Variants in SLC12A6 observed in about 807,000 individuals in gnomAD.
The protein encoded by SLC12A6 is K-Cl cotransporter 3.
In SLC12A6, 66 loss-of-function variants were observed where a neutral mutation model predicts 135.3. The ratio of observed to expected loss-of-function variants is 0.49; its 90% confidence interval spans 0.40 to 0.60. SLC12A6 has a LOEUF of 0.60. Among genes scored for constraint, SLC12A6 ranks in the 20% least tolerant of loss-of-function variants. The pLI is 0.00. For missense variants in SLC12A6, 1,058 were observed against 1,452.3 expected (o/e 0.73, Z 4.41); for synonymous variants, 513 against 508.8 (o/e 1.01, Z -0.11).
At chr15:34,288,675 A>G (rs111645820) in intron 2 of SLC12A6, among the ~76,000 whole-genome samples, 20,555 of 152,172 alleles carry the variant, frequency 0.14, 1,516 homozygotes, top group East Asian at 0.32. Context: ...AGTGGTTTGT[A>G]GTTCTCCTTG....
chr15:34,240,950 G>A (rs537149312), intron 18 of SLC12A6, 121 bp from the exon 19 acceptor site: 2 of 814,054 alleles, frequency 2.5e-6, no homozygotes, highest in Admixed American at 2.0e-5. Flanking sequence ...TTGACAGAAG[G>A]AAGAGATCAC....
chr15:34,252,724 C>G (rs1892479183), intron 9 of SLC12A6, among the ~76,000 whole-genome samples: 1 of 152,162 alleles, frequency 6.6e-6, no homozygotes, highest in African/African-American at 2.4e-5. Flanking sequence ...TGAAGGAAGT[C>G]AAATTGAAGA....
intron 2 of SLC12A6, among the ~76,000 whole-genome samples, chr15:34,318,399 G>A (rs983709600): frequency 6.6e-6 from 1 of 152,204 alleles, no homozygotes; most frequent in Non-Finnish European, 1.5e-5. Context: ...AAAAGTAAGA[G>A]AAGCTATCAG....
chr15:34,305,919 G>A (rs141087449), intron 2 of SLC12A6, among the ~76,000 whole-genome samples: 160 of 152,052 alleles, frequency 1.1e-3, no homozygotes, highest in African/African-American at 3.5e-3. Context: ...CACCGCGCCC[G>A]GCTAATTTTT....
chr15:34,311,704 A>T (rs1269805121), intron 2 of SLC12A6, among the ~76,000 whole-genome samples: 1 of 152,200 alleles, frequency 6.6e-6, no homozygotes, highest in Non-Finnish European at 1.5e-5. Context: ...CACAGAGTGG[A>T]GAAAGGATGA....
rs780221317 is a variant in SLC12A6 at position 34,244,054 on chromosome 15, G to A, written c.1962C>T (p.Tyr654=). 10 of 1,597,406 alleles carry A rather than the reference G, an allele frequency of 6.3e-6. No homozygotes were observed. Among genetic ancestry groups the A allele is most frequent in the Non-Finnish European group, 8.6e-6 (10 of 1,164,688 alleles). Residue 654 remains tyrosine, a synonymous_variant, in exon 16 of 26, where the codon TAC becomes TAT. Transcript: ENST00000354181. ...PILSMFFLMC[Y]LFVNLACALQ... The stretch of plus-strand genomic sequence containing the variant: ...AGGCACATGCCAAGTTTACAAAGAG[G>A]TAACACATGAGAAAAAACCTGAAGA...
Position 34,261,030 on chromosome 15 carries a change from A to AG in SLC12A6, c.317-11_317-10insC. On this transcript the variant is annotated splice_polypyrimidine_tract_variant and intron_variant, in intron 3 of 25. Transcript: ENST00000354181. ...TTCTTATGTCCGTCGTCTGGAAAAA[A>AG]AAAAGTAGACCAAGTTAGTTTCTCA... 7.1e-7 allele frequency: 1 copy of AG among 1,411,372 alleles called. No homozygotes were observed. Among genetic ancestry groups the AG allele is most frequent in the Non-Finnish European group, 1.0e-6 (1 of 995,096 alleles). The allele number at this position is 1,411,372 out of a possible 1,614,324, so 87.4% of individuals were successfully genotyped here. A position where few individuals can be genotyped will look rare whatever the true frequency, so the allele number is the denominator to read the frequency against.
chr15:34,317,240 A>C (rs1888713101), intron 2 of SLC12A6, among the ~76,000 whole-genome samples: 1 of 152,232 alleles, frequency 6.6e-6, no homozygotes, highest in African/African-American at 2.4e-5. Flanking sequence ...TCTCACTAGA[A>C]GGAAAAAACA....
At chr15:34,253,826 A>C (rs1892555716) in intron 9 of SLC12A6, among the ~76,000 whole-genome samples, 1 of 152,238 alleles carries the variant, frequency 6.6e-6, no homozygotes, top group South Asian at 2.1e-4. Context: ...TTCAAAAAAC[A>C]TACTTTAAAG....
chr15:34,247,884 T>C (rs1220144963), intron 13 of SLC12A6, among the ~76,000 whole-genome samples: 1 of 152,108 alleles, frequency 6.6e-6, no homozygotes, highest in Non-Finnish European at 1.5e-5. Flanking sequence ...TTTTACTTTC[T>C]GTAGTGACAA....
At chr15:34,302,833 C>G (rs1376782572) in intron 2 of SLC12A6, among the ~76,000 whole-genome samples, 3 of 151,396 alleles carry the variant, frequency 2.0e-5, no homozygotes, top group African/African-American at 7.3e-5. Context: ...GTCTATAGTC[C>G]CAGCTACTTG....
intron 2 of SLC12A6, among the ~76,000 whole-genome samples, chr15:34,332,523 C>T (rs1164330242): frequency 1.3e-5 from 2 of 152,168 alleles, no homozygotes; most frequent in Non-Finnish European, 2.9e-5. Context: ...ATGGTTCACA[C>T]CTGTAATCCC....
At chr15:34,326,109 T>C (rs1480090726) in intron 2 of SLC12A6, among the ~76,000 whole-genome samples, 5 of 152,242 alleles carry the variant, frequency 3.3e-5, no homozygotes, top group Non-Finnish European at 7.3e-5. Context: ...CAAATGCCTC[T>C]GAGTCCTCAG....
chr15:34,317,558 C>G (rs1265858730), intron 2 of SLC12A6, among the ~76,000 whole-genome samples: 1 of 151,580 alleles, frequency 6.6e-6, no homozygotes, highest in Non-Finnish European at 1.5e-5. Flanking sequence ...CAAAAATTAG[C>G]CGGGCGTGGT....
chr15:34,316,189 T>A lies in SLC12A6; in HGVS notation c.271+20221A>T, dbSNP rs1327427517. Among the ~76,000 whole-genome samples the A allele has an allele frequency of 4.6e-5, 7 of 151,676 alleles. No homozygotes were observed. The East Asian group carries it at 1.3e-3, about 29-fold the overall frequency. On this transcript the variant is annotated intron_variant, in intron 2 of 25. Coordinates refer to ENST00000354181, the MANE Select transcript of SLC12A6 (RefSeq NM_001365088.1). The stretch of plus-strand genomic sequence containing the variant: ...TTCAATTTATATGACACTACATATT[T>A]TTCTCTCCATATAAATTCAGAAGAA...
At chr15:34,263,542 T>C (rs1458233293) in intron 3 of SLC12A6, among the ~76,000 whole-genome samples, 1 of 151,878 alleles carries the variant, frequency 6.6e-6, no homozygotes, top group Non-Finnish European at 1.5e-5. Flanking sequence ...GAAAGAGCTA[T>C]GAGGAAAAAA....
chr15:34,234,725 A>G (rs1891140718), intron 25 of SLC12A6, among the ~76,000 whole-genome samples: 2 of 152,326 alleles, frequency 1.3e-5, no homozygotes, highest in South Asian at 2.1e-4. Flanking sequence ...TTATGTGTCA[A>G]TGCTGAAGGG....
intron 23 of SLC12A6, 45 bp from the exon 24 acceptor site, chr15:34,236,244 T>G: frequency 3.9e-5 from 56 of 1,428,056 alleles, no homozygotes; most frequent in Non-Finnish European, 5.2e-5. Context: ...AAATTTTCTC[T>G]TATGCTTCAT....
intron 2 of SLC12A6, among the ~76,000 whole-genome samples, chr15:34,291,696 T>C (rs1457436041): frequency 6.6e-6 from 1 of 152,124 alleles, no homozygotes; most frequent in Non-Finnish European, 1.5e-5. Flanking sequence ...CACTTTTTTT[T>C]CTCTAATCTT....
Sources: gnomAD v4.1 joint callset for allele counts (sites outside exome capture counted in the v4.1 genomes callset) on GRCh38, gnomAD v4.1.1 for gene constraint, MANE v1.5 for transcripts, NCBI Gene and HGNC (gene_info 2026-07-23, HGNC 2026-07-21) for gene names.